TDRD12: variants seen among roughly 807,000 people sequenced by gnomAD.
TDRD12 encodes tudor domain containing 12.
Under a neutral mutation model 133.5 loss-of-function variants are expected in TDRD12, and 158 were observed. That is an observed-to-expected ratio of 1.18 (90% CI 1.04 to 1.35). TDRD12 has a LOEUF of 1.35. TDRD12 is among the 40% of genes most tolerant of loss of function. The pLI, the probability that TDRD12 is intolerant of heterozygous loss-of-function variation, is 0.00. For missense variants in TDRD12, 1,443 were observed against 1,321.3 expected (o/e 1.09, Z -1.43); for synonymous variants, 460 against 477.9 (o/e 0.96, Z 0.49).
intron 2 of TDRD12, among the ~76,000 whole-genome samples, chr19:32,735,262 G>A (rs1969189676): frequency 6.7e-6 from 1 of 148,668 alleles, no homozygotes; most frequent in Non-Finnish European, 1.5e-5. Flanking sequence ...CCACTCTGGA[G>A]AACACACAAA....
exon 23 of TDRD12, chr19:32,810,095 A>G: frequency 6.6e-7 from 1 of 1,515,226 alleles, no homozygotes; most frequent in Non-Finnish European, 8.8e-7. Context: ...TGTTTCAGAT[A>G]ATACCTTTTT....
chr19:32,821,647 G>C (rs1967400560), downstream of TDRD12, among the ~76,000 whole-genome samples: 1 of 152,108 alleles, frequency 6.6e-6, no homozygotes, highest in Non-Finnish European at 1.5e-5. Flanking sequence ...AAGAGTGTTG[G>C]GATTATAGGC....
exon 6 of TDRD12, chr19:32,749,801 G>T (rs1361391547): frequency 6.4e-7 from 1 of 1,550,390 alleles, no homozygotes; most frequent in South Asian, 1.2e-5. Context: ...CCAGGTGGAA[G>T]CCAGATTATG....
At chr19:32,810,507 A>G (rs904648463) in intron 23 of TDRD12, among the ~76,000 whole-genome samples, 3 of 152,242 alleles carry the variant, frequency 2.0e-5, no homozygotes, top group African/African-American at 4.8e-5. Flanking sequence ...CGACATACAC[A>G]TACATCTTTA....
chr19:32,777,837 A>G (rs1236189097), intron 11 of TDRD12, among the ~76,000 whole-genome samples: 1 of 14,686 alleles, frequency 6.8e-5, no homozygotes, highest in Non-Finnish European at 1.1e-4. Flanking sequence ...ATATATATAT[A>G]TATATATATA....
chr19:32,792,672 G>A (rs1462089355), intron 13 of TDRD12, among the ~76,000 whole-genome samples: 2 of 152,138 alleles, frequency 1.3e-5, no homozygotes, highest in African/African-American at 4.8e-5. Flanking sequence ...ATTAACATAG[G>A]AACATTTTCT....
intron 18 of TDRD12, among the ~76,000 whole-genome samples, 161 bp from the exon 19 acceptor site, chr19:32,801,595 A>G (rs1318977412): frequency 6.6e-6 from 1 of 152,208 alleles, no homozygotes; most frequent in African/African-American, 2.4e-5. Flanking sequence ...TTGGAAATAT[A>G]TTTCAGTTTA....
intron 3 of TDRD12, among the ~76,000 whole-genome samples, chr19:32,740,082 C>T (rs1466651767): frequency 8.4e-6 from 1 of 118,470 alleles, no homozygotes; most frequent in Non-Finnish European, 1.7e-5. Flanking sequence ...CCTGGGTGCT[C>T]TCTGCATCTC....
At chr19:32,806,341 T>G (rs918354817) in intron 21 of TDRD12, among the ~76,000 whole-genome samples, 40 of 150,752 alleles carry the variant, frequency 2.7e-4, no homozygotes, top group Non-Finnish European at 5.6e-4. Flanking sequence ...GACCGAGTTT[T>G]TTTTTTTTTT....
At chr19:32,813,514 A>T (rs569515110) in intron 24 of TDRD12, among the ~76,000 whole-genome samples, 170 bp from the exon 25 acceptor site, 226 of 152,000 alleles carry the variant, frequency 1.5e-3, no homozygotes, top group African/African-American at 5.1e-3. Context: ...GCCTCACTAA[A>T]CTCTGCTGTT....
At position 32,801,195 on chromosome 19, in the gene TDRD12, G is replaced by T. The variant is rs140584704; in HGVS notation, c.2079+423G>T. On this transcript the variant is annotated intron_variant, in intron 18 of 27. Transcript: ENST00000444215. ...AGCCTGGGCAACATAGTGAAACCCTGTCTCTACGAAAAAAAAAAAAAAGAA... is the reference window on the plus strand; with the variant it reads ...AGCCTGGGCAACATAGTGAAACCCTTTCTCTACGAAAAAAAAAAAAAAGAA... Among the ~76,000 whole-genome samples the T allele has an allele frequency of 4.4e-3, 639 of 146,244 alleles. 3 individuals are homozygous for T. The highest frequency in any genetic ancestry group is 0.015 in the African/African-American group (604 of 39,538).
At chr19:32,807,267 T>TAAAAAAAAAAAAAAAAAAAAA (rs59421213) in intron 21 of TDRD12, among the ~76,000 whole-genome samples, 2 of 47,208 alleles carry the variant, frequency 4.2e-5, no homozygotes, top group African/African-American at 1.3e-4. Context: ...ACCAAACTCT[T>TAAAAAAAAAAAAAAAAAAAAA]AAAAAAAAAA....
rs867149870 is a variant in TDRD12, at chr19:32,743,977, G to A, written c.440+1077G>A. On this transcript the variant is annotated intron_variant, in intron 4 of 27. Coordinates refer to ENST00000444215, the Ensembl canonical transcript of TDRD12. ...CGGGAGGCAGAGGTTTCAGTGAGCC[G>A]AAATCGCACCACTGCACTCCAGCCT... Among the ~76,000 whole-genome samples the A allele has an allele frequency of 4.3e-5, 6 of 140,836 alleles. No homozygotes were observed. In the South Asian group the frequency reaches 9.0e-4, roughly 21 times the overall value. 92.4% of individuals were successfully genotyped at this position (140,836 alleles called of 152,430 possible).
At position 32,810,085 on chromosome 19, in the gene TDRD12, T is replaced by TG. The variant is rs1321891400; in HGVS notation, c.2653-7dup. On this transcript the variant is annotated splice_polypyrimidine_tract_variant and splice_region_variant and intron_variant, in intron 22 of 27. Coordinates refer to ENST00000444215, the Ensembl canonical transcript of TDRD12. Reference sequence around the variant, plus strand: ...GTTTCTTGGTCATGTTTACTATATATGTTTCAGATAATACCTTTTTATATT... The same window carrying TG: ...GTTTCTTGGTCATGTTTACTATATATGGTTTCAGATAATACCTTTTTATATT... The TG allele has an allele frequency of 1.3e-6, 2 of 1,492,214 alleles. No homozygotes were observed. Among genetic ancestry groups the TG allele is most frequent in the Non-Finnish European group, 8.9e-7 (1 of 1,118,250 alleles). 92.4% of individuals were successfully genotyped at this position (1,492,214 alleles called of 1,614,324 possible). A position where few individuals can be genotyped will look rare whatever the true frequency, so the allele number is the denominator to read the frequency against.
chr19:32,730,626 AC>A (rs925156588), intron 1 of TDRD12, among the ~76,000 whole-genome samples: 7 of 152,130 alleles, frequency 4.6e-5, no homozygotes, highest in Non-Finnish European at 8.8e-5. Context: ...TAGTGGGAAT[AC>A]CTGTATTCTT....
rs746928958 is a variant in TDRD12, at chr19:32,749,781, T to C, written c.497-3T>C. The C allele has an allele frequency of 6.5e-7, 1 of 1,545,790 alleles. No homozygotes were observed. The highest frequency in any genetic ancestry group is 1.2e-5 in the South Asian group (1 of 83,378). On this transcript the variant is annotated splice_polypyrimidine_tract_variant and splice_region_variant and intron_variant, in intron 5 of 27. Coordinates refer to ENST00000444215, the Ensembl canonical transcript of TDRD12. The stretch of plus-strand genomic sequence containing the variant: ...GATTTGTGTTTTCATTTATGCTATT[T>C]AGCAACTACCCAGGTGGAAGCCAGA...
At chr19:32,780,067 C>T (rs1970716125) in intron 11 of TDRD12, among the ~76,000 whole-genome samples, 1 of 149,130 alleles carries the variant, frequency 6.7e-6, no homozygotes, top group Non-Finnish European at 1.5e-5. Flanking sequence ...CGAATATGCC[C>T]ATTCTTTTTT....
chr19:32,765,552 C>G (rs79676864), intron 8 of TDRD12, among the ~76,000 whole-genome samples: 7 of 152,072 alleles, frequency 4.6e-5, no homozygotes, highest in African/African-American at 1.7e-4. Flanking sequence ...TGGAATACTA[C>G]GCAGCCATAA....
At chr19:32,736,732 C>A (rs188963857) in intron 2 of TDRD12, among the ~76,000 whole-genome samples, 2 of 152,328 alleles carry the variant, frequency 1.3e-5, no homozygotes, top group Admixed American at 1.3e-4. Context: ...TGTCTGAGCG[C>A]AGCTCTCCTG....
Sources: allele counts gnomAD v4.1 joint callset (sites outside exome capture counted in the v4.1 genomes callset), GRCh38; gene constraint gnomAD v4.1.1; transcripts MANE v1.5; gene names NCBI Gene and HGNC (gene_info 2026-07-23, HGNC 2026-07-21).